Variants in EGF observed in about 807,000 individuals in gnomAD.
The protein encoded by EGF is pro-epidermal growth factor.
Under a neutral mutation model 143.8 loss-of-function variants are expected in EGF, and 95 were observed. The ratio of observed to expected loss-of-function variants is 0.66; its 90% confidence interval spans 0.56 to 0.78. The LOEUF (loss-of-function observed/expected upper bound fraction) is 0.78, where lower values mean the gene tolerates loss of function less well. Among genes scored for constraint, EGF ranks in the 30% least tolerant of loss-of-function variants. The probability of loss-of-function intolerance (pLI) is 0.00; values close to 1 mark genes in which losing one functional copy is unlikely to be tolerated. For synonymous variants in EGF, 510 were observed against 510.5 expected (o/e 1.00, Z 0.01); for missense variants, 1,320 against 1,470.9 (o/e 0.90, Z 1.68).
rs747101578 is a variant in EGF, at chr4:109,945,030, C to G, written c.738-43C>G. ...AGTGAAATTCTAATAAGACAAGGAA[C>G]AAATGTTCTGTTGTTCTTTTTTCTT... On this transcript the variant is annotated intron_variant, in intron 4 of 23. Coordinates refer to ENST00000265171, the MANE Select transcript of EGF (RefSeq NM_001963.6). The G allele has an allele frequency of 5.6e-6, 9 of 1,595,328 alleles. No homozygotes were observed. The East Asian group carries it at 2.0e-4, about 36-fold the overall frequency.
At chr4:109,933,893 A>G (rs10213531) in intron 1 of EGF, among the ~76,000 whole-genome samples, 57,761 of 151,978 alleles carry the variant, frequency 0.38, 11,271 homozygotes, top group East Asian at 0.5. Flanking sequence ...ATGTGTGCAT[A>G]TGTCTGTATA....
At chr4:109,913,995 T>G (rs1301898309) in intron 1 of EGF, among the ~76,000 whole-genome samples, 1 of 152,210 alleles carries the variant, frequency 6.6e-6, no homozygotes, top group Non-Finnish European at 1.5e-5. Flanking sequence ...CCACTCTTAC[T>G]GTTTCTGAGG....
intron 1 of EGF, among the ~76,000 whole-genome samples, chr4:109,934,715 A>G: frequency 6.6e-6 from 1 of 152,194 alleles, no homozygotes; most frequent in South Asian, 2.1e-4. Flanking sequence ...TAAGTCTTTA[A>G]TCAATCTTGA....
chr4:109,980,636 G>C (rs1749200053), intron 14 of EGF, 190 bp from the exon 15 acceptor site: 6 of 657,564 alleles, frequency 9.1e-6, no homozygotes, highest in Non-Finnish European at 1.1e-5. Context: ...TAACATTCTG[G>C]GCTTATCTTA....
rs779811644 is a variant in EGF, at chr4:110,004,523, G to A, written c.3192G>A (p.Ser1064=). The A allele has an allele frequency of 1.7e-5, 27 of 1,613,888 alleles. No homozygotes were observed. The highest frequency in any genetic ancestry group is 1.9e-5 in the Non-Finnish European group (22 of 1,179,964). ...AHYYRTQKLL[S]KNPKNPYEES... ...ATCACAGGACTCAGAAGCTGCTATCGAAAAACCCAAAGAATCCTTATGAGG... is the reference window on the plus strand; with the variant it reads ...ATCACAGGACTCAGAAGCTGCTATCAAAAAACCCAAAGAATCCTTATGAGG... Residue 1064 remains serine (S), a synonymous_variant, in exon 22 of 24, where the codon TCG becomes TCA. Coordinates refer to ENST00000265171, the MANE Select transcript of EGF (RefSeq NM_001963.6).
chr4:109,995,074 G>C (rs555719599), intron 20 of EGF, among the ~76,000 whole-genome samples, 194 bp downstream of exon 20: 3 of 152,160 alleles, frequency 2.0e-5, no homozygotes, highest in African/African-American at 7.2e-5. Flanking sequence ...CCCCCTTCTA[G>C]TTACCGGTGA....
chr4:109,953,584 C>G (rs1425420377), intron 5 of EGF, among the ~76,000 whole-genome samples: 1 of 152,172 alleles, frequency 6.6e-6, no homozygotes, highest in Non-Finnish European at 1.5e-5. Context: ...CTTTAATCAT[C>G]TCTATAAAGT....
chr4:109,935,158 G>T (rs1480342344), intron 1 of EGF, among the ~76,000 whole-genome samples: 1 of 152,136 alleles, frequency 6.6e-6, no homozygotes, highest in Non-Finnish European at 1.5e-5. Context: ...TGGCAGTATG[G>T]CCATTTTCAC....
chr4:109,925,206 C>T (rs550778091), intron 1 of EGF, among the ~76,000 whole-genome samples: 4 of 152,236 alleles, frequency 2.6e-5, no homozygotes, highest in Non-Finnish European at 4.4e-5. Context: ...TAAAATAATA[C>T]ATGAAAAACC....
At chr4:109,964,629 C>T (rs1351461876) in intron 10 of EGF, 92 bp downstream of exon 10, 2 of 1,557,924 alleles carry the variant, frequency 1.3e-6, no homozygotes, top group Non-Finnish European at 1.8e-6. Context: ...ACTTGAAAAT[C>T]CTCTGCTAAG....
At chr4:109,945,022 A>G in intron 4 of EGF, 51 bp from the exon 5 acceptor site, 1 of 1,577,224 alleles carries the variant, frequency 6.3e-7, no homozygotes, top group Non-Finnish European at 8.7e-7. Context: ...TTCTAATAAG[A>G]CAAGGAACAA....
intron 15 of EGF, among the ~76,000 whole-genome samples, chr4:109,983,180 T>G (rs1386885698): frequency 6.6e-6 from 1 of 152,120 alleles, no homozygotes; most frequent in Admixed American, 6.5e-5. Flanking sequence ...AAGAGTCCTA[T>G]CTTTCTTCCG....
At chr4:109,997,531 A>G (rs28471982) in intron 20 of EGF, among the ~76,000 whole-genome samples, 78,361 of 151,250 alleles carry the variant, frequency 0.52, 22,894 homozygotes, top group African/African-American at 0.79. Flanking sequence ...GCGCAATCTC[A>G]GCTCACTGCA....
Position 109,963,236 on chromosome 4 carries a change from G to C in EGF, c.1376G>C (p.Trp459Ser). 1.2e-6 allele frequency: 2 copies of C among 1,613,988 alleles called. No individual in the cohort carries two copies. Among genetic ancestry groups the C allele is most frequent in the Non-Finnish European group, 1.7e-6 (2 of 1,179,956 alleles). ...TGCGTTCCTCTTAGCCCAGTATCCT[G>C]GGAATGTGATTGCTTTCCTGGGTAT... Reference protein sequence around the residue: ...QLCVPLSPVSWECDCFPGYDL... With the variant: ...QLCVPLSPVSSECDCFPGYDL... The change falls in exon 9 of 24, where the codon TGG becomes TCG. Residue 459 changes from tryptophan to serine, a missense_variant. Physicochemically the swap from Trp to Ser is radical, Grantham distance 177 (BLOSUM62 -3). This residue lies in a region of EGF where 1,186 missense variants were observed against 1,313.7 expected (regional missense o/e 0.90). Coordinates refer to ENST00000265171, the MANE Select transcript of EGF (RefSeq NM_001963.6).
At chr4:109,980,282 T>C in intron 14 of EGF, 143 bp downstream of exon 14, 2 of 869,040 alleles carry the variant, frequency 2.3e-6, no homozygotes, top group Non-Finnish European at 3.3e-6. Flanking sequence ...TTTCTAAGAT[T>C]TAAGTTTGTT....
At chr4:109,955,910 T>A (rs1355024539) in intron 5 of EGF, among the ~76,000 whole-genome samples, 1 of 152,158 alleles carries the variant, frequency 6.6e-6, no homozygotes, top group Admixed American at 6.5e-5. Context: ...ATGGGGATGA[T>A]CATGATAAGA....
chr4:109,977,031 T>C (rs1360025423), intron 13 of EGF, among the ~76,000 whole-genome samples: 2 of 152,216 alleles, frequency 1.3e-5, no homozygotes, highest in Non-Finnish European at 2.9e-5. Flanking sequence ...GTTAGAAGCC[T>C]ATAGTGGTTG....
intron 1 of EGF, among the ~76,000 whole-genome samples, chr4:109,920,103 T>G (rs1304658966): frequency 6.6e-6 from 1 of 151,670 alleles, no homozygotes; most frequent in Non-Finnish European, 1.5e-5. Context: ...CATACAGAGT[T>G]AAAAAGTCAA....
chr4:109,968,947 A>C, intron 10 of EGF, 24 bp from the exon 11 acceptor site: 1 of 1,614,004 alleles, frequency 6.2e-7, no homozygotes, highest in Non-Finnish European at 8.5e-7. Context: ...AAAAAATCAG[A>C]AATGCCTGTG....
Sources: gnomAD v4.1 joint callset for allele counts (sites outside exome capture counted in the v4.1 genomes callset) on GRCh38, gnomAD v4.1.1 for gene constraint, gnomAD v4.1.1 regional missense constraint, MANE v1.5 for transcripts, NCBI Gene and HGNC (gene_info 2026-07-23, HGNC 2026-07-21) for gene names.